Variants in TRIM24 observed in about 807,000 individuals in gnomAD.
TRIM24 encodes tripartite motif containing 24.
In TRIM24, 29 loss-of-function variants were observed where a neutral mutation model predicts 123.9. That is an observed-to-expected ratio of 0.23 (90% CI 0.17 to 0.32). The LOEUF is 0.32. TRIM24 is among the 10% of genes least tolerant of loss of function. TRIM24 has a pLI of 1.00. For synonymous variants in TRIM24, 456 were observed against 461.1 expected (o/e 0.99, Z 0.14); for missense variants, 932 against 1,295.3 (o/e 0.72, Z 4.31).
intron 1 of TRIM24, among the ~76,000 whole-genome samples, chr7:138,462,060 A>G (rs947880157): frequency 1.2e-4 from 19 of 152,006 alleles, no homozygotes; most frequent in South Asian, 2.1e-4. Context: ...CTTTGTTTCT[A>G]TTTTTTCACG....
In TRIM24 at chr7:138,460,778, T is replaced by G; in HGVS notation, c.230T>G (p.Phe77Cys). ...AAGCTGCTGCCCTGCCTGCACTCTT[T>G]CTGCCAGCGCTGCCTGCCCGCGCCC... ...APKLLPCLHS[F>C]CQRCLPAPQR... Residue 77 changes from phenylalanine to cysteine, a missense_variant, in exon 1 of 19, where the codon TTC becomes TGC. Phe to Cys is a radical substitution (Grantham distance 205). This residue lies in a region of TRIM24 where 164 missense variants were observed against 181.9 expected (regional missense o/e 0.90). Transcript: ENST00000343526. 2 of 1,585,446 alleles carry G rather than the reference T, an allele frequency of 1.3e-6. No homozygotes were observed. The highest frequency in any genetic ancestry group is 1.7e-6 in the Non-Finnish European group (2 of 1,168,626).
rs781643258 is a variant in TRIM24, at chr7:138,508,662, A to AGTGTGTGT, written c.483+4278_483+4285dup. Among the ~76,000 whole-genome samples the AGTGTGTGT allele has an allele frequency of 1.9e-3, 215 of 112,894 alleles. 4 individuals carry two copies. The highest frequency in any genetic ancestry group is 5.7e-3 in the East Asian group (19 of 3,308). 74.1% of individuals were successfully genotyped at this position (112,894 alleles called of 152,430 possible). A position where few individuals can be genotyped will look rare whatever the true frequency, so the allele number is the denominator to read the frequency against. On this transcript the variant is annotated intron_variant, in intron 2 of 18. Coordinates refer to ENST00000343526, the MANE Select transcript of TRIM24 (RefSeq NM_015905.3). ...TTCTTCAGAGGTGACTAATAAGAGGAGTGTGTGTGTGTGTGTGTGTGTGTG... is the reference window on the plus strand; with the variant it reads ...TTCTTCAGAGGTGACTAATAAGAGGAGTGTGTGTGTGTGTGTGTGTGTGTGTGTGTGTG...
rs553260800 is a variant in TRIM24, at chr7:138,467,899, C to CT, written c.364+6997dup. ...CTTGCTAAATTCGATTATTAAGTAT[C>CT]TTTTTTTTTTGTTTCAAGGACTCCT... is the stretch of plus-strand genomic sequence containing the variant. On this transcript the variant is annotated intron_variant, in intron 1 of 18. Coordinates refer to ENST00000343526, the MANE Select transcript of TRIM24 (RefSeq NM_015905.3). 1.2e-3 allele frequency among the ~76,000 whole-genome samples: 174 copies of CT among 148,154 alleles called. 4 individuals carry two copies. The South Asian group carries it at 0.031, about 26-fold the overall frequency.
intron 1 of TRIM24, among the ~76,000 whole-genome samples, chr7:138,490,237 C>T (rs967985468): frequency 9.9e-5 from 15 of 152,042 alleles, no homozygotes; most frequent in African/African-American, 2.9e-4. Context: ...TGTTTATGCT[C>T]GTTAGCCATT....
chr7:138,513,561 A>G (rs1796332627), intron 2 of TRIM24, among the ~76,000 whole-genome samples: 1 of 152,114 alleles, frequency 6.6e-6, no homozygotes, highest in South Asian at 2.1e-4. Flanking sequence ...AGGGGCAAAA[A>G]GAGAGGGGGG....
rs1334327675 is a variant in TRIM24, at chr7:138,577,407, C to G, written c.2088-13C>G. 3.9e-6 allele frequency: 6 copies of G among 1,527,912 alleles called. No individual in the cohort carries two copies. The highest frequency in any genetic ancestry group is 2.5e-5 in the East Asian group (1 of 40,738). 94.6% of individuals were successfully genotyped at this position (1,527,912 alleles called of 1,614,324 possible). A position where few individuals can be genotyped will look rare whatever the true frequency, so the allele number is the denominator to read the frequency against. ...ATTCTTAGATTGCTTTTTCTTCTCT[C>G]TCATACTTACAGCTCTGGCTCTTCC... On this transcript the variant is annotated splice_polypyrimidine_tract_variant and intron_variant, in intron 13 of 18. Coordinates refer to ENST00000343526, the MANE Select transcript of TRIM24 (RefSeq NM_015905.3).
chr7:138,462,735 A>G (rs1795030578), intron 1 of TRIM24, among the ~76,000 whole-genome samples: 1 of 152,148 alleles, frequency 6.6e-6, no homozygotes, highest in Admixed American at 6.5e-5. Flanking sequence ...GTCACCATCC[A>G]TGAAACTGGT....
chr7:138,568,479 C>T (rs183380685), intron 10 of TRIM24, among the ~76,000 whole-genome samples: 1,987 of 146,140 alleles, frequency 0.014, 22 homozygotes, highest in Middle Eastern at 0.033. Context: ...CTCTGCCTTC[C>T]GGGTTCAAGC....
In TRIM24 at chr7:138,580,547, A is replaced by C; in HGVS notation, c.2586-15A>C. The C allele has an allele frequency of 6.2e-7, 1 of 1,603,200 alleles. No homozygotes were observed. Among genetic ancestry groups the C allele is most frequent in the Non-Finnish European group, 8.5e-7 (1 of 1,174,828 alleles). ...TGATGCATTAGGAATTCAAAAGTAC[A>C]TTGTCCCCTAACAGTGGAGAGTGGA... On this transcript the variant is annotated splice_polypyrimidine_tract_variant and intron_variant, in intron 15 of 18. Coordinates refer to ENST00000343526, the MANE Select transcript of TRIM24 (RefSeq NM_015905.3).
rs756077160 is a variant in TRIM24, at chr7:138,460,928, G to A, written c.364+16G>A. On this transcript the variant is annotated intron_variant, in intron 1 of 18. Coordinates refer to ENST00000343526, the MANE Select transcript of TRIM24 (RefSeq NM_015905.3). ...GCCACCCAAGGTGAGAACCGGCCGCGGCCGCTGGGGAGCCCGGGGAGAGGG... is the reference window on the plus strand; with the variant it reads ...GCCACCCAAGGTGAGAACCGGCCGCAGCCGCTGGGGAGCCCGGGGAGAGGG... 1.4e-6 allele frequency: 2 copies of A among 1,423,622 alleles called. No homozygotes were observed. Among genetic ancestry groups the A allele is most frequent in the Middle Eastern group, 2.5e-4 (1 of 4,050 alleles). The allele number at this position is 1,423,622 out of a possible 1,614,324, so 88.2% of individuals were successfully genotyped here. A position where few individuals can be genotyped will look rare whatever the true frequency, so the allele number is the denominator to read the frequency against.
chr7:138,460,275 T>C lies in TRIM24; in HGVS notation c.-274T>C. ...GGGCTGGGCGTATTCCACGAGCGCC[T>C]CGGCGGTTGGCGAAGCGGACGGGGT... On this transcript the variant is annotated 5_prime_UTR_variant, in exon 1 of 19. Coordinates refer to ENST00000343526, the MANE Select transcript of TRIM24 (RefSeq NM_015905.3). 1 of 360,030 alleles carries C rather than the reference T, an allele frequency of 2.8e-6. No individual in the cohort carries two copies. The highest frequency in any genetic ancestry group is 5.0e-6 in the Non-Finnish European group (1 of 201,820). 22.3% of individuals were successfully genotyped at this position (360,030 alleles called of 1,614,324 possible).
chr7:138,575,126 A>G (rs1027173842), intron 12 of TRIM24, among the ~76,000 whole-genome samples: 3 of 152,240 alleles, frequency 2.0e-5, no homozygotes, highest in Non-Finnish European at 4.4e-5. Context: ...ATACAGAACC[A>G]TATAAAAGAT....
intron 1 of TRIM24, among the ~76,000 whole-genome samples, chr7:138,475,731 G>A (rs548761580): frequency 1.6e-4 from 25 of 152,084 alleles, no homozygotes; most frequent in Non-Finnish European, 3.2e-4. Flanking sequence ...AGCTGGTCTC[G>A]AACACCTGGC....
chr7:138,513,243 C>T (rs1796326975), intron 2 of TRIM24, among the ~76,000 whole-genome samples: 1 of 152,166 alleles, frequency 6.6e-6, no homozygotes, highest in Non-Finnish European at 1.5e-5. Flanking sequence ...CAAAATTTTT[C>T]TCACCTTCCT....
Position 138,577,531 on chromosome 7 carries a change from T to C in TRIM24, c.2199T>C (p.Tyr733=). The change falls in exon 14 of 19, where the codon TAT becomes TAC. Residue 733 remains tyrosine (Y), a synonymous_variant. Coordinates refer to ENST00000343526, the MANE Select transcript of TRIM24 (RefSeq NM_015905.3). ...AAAACAGTGGACCACCGGAAAATTA[T>C]GATTTCCCTGTTGTTATAGTGAAGC... The part of the protein sequence containing the change: ...KQENSGPPEN[Y]DFPVVIVKQE... The C allele has an allele frequency of 6.2e-7, 1 of 1,611,748 alleles. No homozygotes were observed. Among genetic ancestry groups the C allele is most frequent in the Non-Finnish European group, 8.5e-7 (1 of 1,179,094 alleles).
chr7:138,577,657 T>G, intron 14 of TRIM24, 69 bp downstream of exon 14: 1 of 1,275,892 alleles, frequency 7.8e-7, no homozygotes, highest in Non-Finnish European at 1.0e-6. Context: ...TTTAAATAGC[T>G]CTTAGGAGTT....
At chr7:138,504,768 T>A (rs1796115431) in intron 2 of TRIM24, among the ~76,000 whole-genome samples, 1 of 147,204 alleles carries the variant, frequency 6.8e-6, no homozygotes, top group Non-Finnish European at 1.5e-5. Context: ...CCTCTTTTTT[T>A]TTTTTTAATT....
chr7:138,482,987 G>T (rs1316766437), intron 1 of TRIM24, among the ~76,000 whole-genome samples: 1 of 151,920 alleles, frequency 6.6e-6, no homozygotes, highest in African/African-American at 2.4e-5. Context: ...GCACAGTCAG[G>T]GATCACTGCA....
At chr7:138,496,262 C>T (rs574177286) in intron 1 of TRIM24, among the ~76,000 whole-genome samples, 1 of 152,186 alleles carries the variant, frequency 6.6e-6, no homozygotes, top group Non-Finnish European at 1.5e-5. Flanking sequence ...CTTCTTTAAT[C>T]TTCATTTTGT....
Sources: gnomAD v4.1 joint callset for allele counts (sites outside exome capture counted in the v4.1 genomes callset) on GRCh38, gnomAD v4.1.1 for gene constraint, gnomAD v4.1.1 regional missense constraint, MANE v1.5 for transcripts, NCBI Gene and HGNC (gene_info 2026-07-23, HGNC 2026-07-21) for gene names.